The following PCDH15 variants were observed in gnomAD, a reference collection of about 807,000 sequenced individuals.
PCDH15 encodes protocadherin-15.
PCDH15 carries 129 observed loss-of-function variants against 178.5 expected under a neutral mutation model. The ratio of observed to expected loss-of-function variants is 0.72; its 90% CI spans 0.63 to 0.84. PCDH15 has a LOEUF of 0.84. Ranked by LOEUF, PCDH15 falls within the 40% of genes least tolerant of loss-of-function variation. PCDH15 has a pLI of 0.00. For synonymous variants in PCDH15, 800 were observed against 732.0 expected (o/e 1.09, Z -1.50); for missense variants, 2,230 against 2,099.9 (o/e 1.06, Z -1.21).
At chr10:55,548,411 T>G (rs971781211) in intron 2 of PCDH15, among the ~76,000 whole-genome samples, 1 of 152,066 alleles carries the variant, frequency 6.6e-6, no homozygotes, top group Non-Finnish European at 1.5e-5. Context: ...TCCCAAGGAA[T>G]TTGAGTTCTA....
Position 55,225,650 on chromosome 10 carries a change from T to TGAGAGA in PCDH15, c.-155-59005_-155-59000dup, listed in dbSNP as rs56234985. On this transcript the variant is annotated intron_variant, in intron 1 of 5. Coordinates refer to the PCDH15 transcript ENST00000458638. ...GTGTGTGTGTTTGTGTGTGTGTGTGTGAGAGAGAGAGAGAGAGAGAGAAAC... is the reference window on the plus strand; with the variant it reads ...GTGTGTGTGTTTGTGTGTGTGTGTGTGAGAGAGAGAGAGAGAGAGAGAGAGAGAAAC... Among the ~76,000 whole-genome samples, 567 of 148,124 alleles carry TGAGAGA rather than the reference T, an allele frequency of 3.8e-3. 3 individuals are homozygous for TGAGAGA. Among genetic ancestry groups the TGAGAGA allele is most frequent in the Non-Finnish European group, 5.6e-3 (375 of 67,006 alleles).
intron 14 of PCDH15, among the ~76,000 whole-genome samples, chr10:54,145,312 A>G (rs1299364859): frequency 6.6e-6 from 1 of 152,064 alleles, no homozygotes; most frequent in Non-Finnish European, 1.5e-5. Flanking sequence ...TATGTGCTAC[A>G]AGGAGTCTAT....
intron 2 of PCDH15, among the ~76,000 whole-genome samples, chr10:55,011,021 T>C (rs1840034296): frequency 6.6e-6 from 1 of 151,704 alleles, no homozygotes; most frequent in African/African-American, 2.4e-5. Context: ...ACAAAGAAAA[T>C]ACACAATTTT....
chr10:54,709,696 A>G (rs889605528), intron 1 of PCDH15, among the ~76,000 whole-genome samples: 12 of 140,494 alleles, frequency 8.5e-5, no homozygotes, highest in Admixed American at 3.7e-4. Context: ...GTGTGTGTGT[A>G]TATATATATT....
At chr10:55,555,063 ATAAAG>A (rs1423684543) in intron 2 of PCDH15, among the ~76,000 whole-genome samples, 1 of 152,012 alleles carries the variant, frequency 6.6e-6, no homozygotes, top group Non-Finnish European at 1.5e-5. Context: ...TCCATAATTA[ATAAAG>A]TAATTTTCTG....
chr10:54,519,514 A>C (rs921998971), intron 3 of PCDH15, among the ~76,000 whole-genome samples: 2 of 152,230 alleles, frequency 1.3e-5, no homozygotes, highest in African/African-American at 4.8e-5. Context: ...AGGGACGTGA[A>C]GGACCTCTTC....
chr10:54,192,016 GA>G (rs150602066), intron 11 of PCDH15, among the ~76,000 whole-genome samples: 29,749 of 143,684 alleles, frequency 0.21, 4,407 homozygotes, highest in East Asian at 0.84. Flanking sequence ...GAGAGAGAAA[GA>G]AAAAAATAAT....
chr10:54,577,339 G>A (rs995560696), intron 2 of PCDH15, among the ~76,000 whole-genome samples: 2 of 149,350 alleles, frequency 1.3e-5, no homozygotes, highest in Non-Finnish European at 3.0e-5. Flanking sequence ...CAATACACCC[G>A]CCTCGGCCTC....
intron 2 of PCDH15, among the ~76,000 whole-genome samples, chr10:55,108,405 G>A (rs1187704022): frequency 2.6e-5 from 4 of 152,144 alleles, no homozygotes; most frequent in Non-Finnish European, 5.9e-5. Context: ...TAATGTTTGT[G>A]TAGGAAGTAG....
rs138973421 is a variant in PCDH15, at chr10:54,855,549, C to T, written c.-29+41901G>A. Among the ~76,000 whole-genome samples the T allele has an allele frequency of 1.1e-3, 169 of 152,306 alleles. 1 individual carries two copies. The highest frequency in any genetic ancestry group is 3.9e-3 in the African/African-American group (162 of 41,574). ...CTGAAGCATGATAGGCTCAAATAAG[C>T]TTCCACTCCACAGAATTCTTAAATT... On this transcript the variant is annotated intron_variant, in intron 3 of 5. Coordinates refer to the PCDH15 transcript ENST00000458638.
At chr10:55,509,464 T>TG (rs1840832158) in intron 2 of PCDH15, among the ~76,000 whole-genome samples, 1 of 151,710 alleles carries the variant, frequency 6.6e-6, no homozygotes, top group Admixed American at 6.6e-5. Flanking sequence ...GGGGTATAAC[T>TG]CAAAAAAGAA....
chr10:55,152,983 T>A (rs577541405), intron 2 of PCDH15, among the ~76,000 whole-genome samples: 13 of 152,170 alleles, frequency 8.5e-5, no homozygotes, highest in African/African-American at 3.1e-4. Context: ...TATAGGTAAC[T>A]TTGTGTTTAG....
intron 3 of PCDH15, among the ~76,000 whole-genome samples, chr10:54,525,810 A>G (rs2083309172): frequency 6.6e-6 from 1 of 152,212 alleles, no homozygotes. Context: ...AAAATATAAA[A>G]ACATTTGCAT....
chr10:54,836,592 T>TG (rs1220254636), intron 3 of PCDH15, among the ~76,000 whole-genome samples: 1 of 152,104 alleles, frequency 6.6e-6, no homozygotes, highest in Non-Finnish European at 1.5e-5. Flanking sequence ...TGTATTTTTT[T>TG]GAAAAAGATA....
intron 2 of PCDH15, among the ~76,000 whole-genome samples, chr10:55,555,440 T>C (rs534369483): frequency 1.1e-4 from 16 of 152,250 alleles, no homozygotes; most frequent in Admixed American, 9.2e-4. Context: ...TACTTAAAAA[T>C]TCATTTAATC....
intron 1 of PCDH15, among the ~76,000 whole-genome samples, chr10:55,224,092 T>A (rs1840960304): frequency 6.6e-6 from 1 of 151,944 alleles, no homozygotes; most frequent in Non-Finnish European, 1.5e-5. Flanking sequence ...TTTCAGCCCC[T>A]TGGGAGGCTG....
At chr10:55,188,677 C>A (rs1203755486) in intron 1 of PCDH15, among the ~76,000 whole-genome samples, 1 of 151,552 alleles carries the variant, frequency 6.6e-6, no homozygotes, top group East Asian at 1.9e-4. Flanking sequence ...TTACAGTATC[C>A]TTTTTTTAAA....
Position 54,423,930 on chromosome 10 carries a change from A to T in PCDH15, c.158-44988T>A, listed in dbSNP as rs528877094. ...AAAACCCTAGAAGAAAACCTAGGCA[A>T]TACCATTCAGGACATAGGCATGGGC... On this transcript the variant is annotated intron_variant, in intron 3 of 37. Transcript: ENST00000644397. 3.3e-5 allele frequency among the ~76,000 whole-genome samples: 5 copies of T among 152,016 alleles called. No individual in the cohort carries two copies. The South Asian group carries it at 8.3e-4, about 25-fold the overall frequency.
chr10:55,380,620 C>G (rs1837510419), intron 2 of PCDH15, among the ~76,000 whole-genome samples: 1 of 152,086 alleles, frequency 6.6e-6, no homozygotes, highest in South Asian at 2.1e-4. Context: ...TGTTTCTGAC[C>G]TGTCATACAA....
Sources: gnomAD v4.1 joint callset for allele counts (sites outside exome capture counted in the v4.1 genomes callset) on GRCh38, gnomAD v4.1.1 for gene constraint, MANE v1.5 for transcripts, NCBI Gene and HGNC (gene_info 2026-07-23, HGNC 2026-07-21) for gene names.